Variants in MYLK observed in about 807,000 individuals in gnomAD.
MYLK encodes the protein myosin light chain kinase.
In MYLK, 106 loss-of-function variants were observed where a neutral mutation model predicts 203.4. The ratio of observed to expected loss-of-function variants is 0.52; its 90% CI spans 0.45 to 0.61. The LOEUF (loss-of-function observed/expected upper bound fraction) is 0.61, where lower values mean the gene tolerates loss of function less well. MYLK is among the 20% of genes least tolerant of loss of function. MYLK has a pLI of 0.00. For synonymous variants in MYLK, 867 were observed against 959.5 expected (o/e 0.90, Z 1.78); for missense variants, 2,072 against 2,442.3 (o/e 0.85, Z 3.20).
At chr3:123,761,631 C>A (rs2108930245) in intron 4 of MYLK, among the ~76,000 whole-genome samples, 1 of 152,274 alleles carries the variant, frequency 6.6e-6, no homozygotes, top group South Asian at 2.1e-4. Flanking sequence ...TCATGATTTG[C>A]ATAGAGAATC....
intron 2 of MYLK, among the ~76,000 whole-genome samples, chr3:123,870,524 C>T (rs59447046): frequency 2.3e-4 from 35 of 152,328 alleles, no homozygotes; most frequent in African/African-American, 8.4e-4. Flanking sequence ...AGCTGAGAAA[C>T]AAAGACAGGG....
At chr3:123,869,136 C>T (rs1293187814) in intron 2 of MYLK, among the ~76,000 whole-genome samples, 1 of 152,120 alleles carries the variant, frequency 6.6e-6, no homozygotes, top group African/African-American at 2.4e-5. Context: ...CCTTAACTCA[C>T]AGACTCTGCA....
At chr3:123,748,941 C>T (rs1039915766) in intron 5 of MYLK, among the ~76,000 whole-genome samples, 19 of 152,082 alleles carry the variant, frequency 1.2e-4, no homozygotes, top group Non-Finnish European at 1.2e-4. Context: ...TGATGGCACA[C>T]GCCTGTAATC....
rs74552339 is a variant in MYLK at position 123,790,438 on chromosome 3, G to A, written c.165+3239C>T. ...CTACCCAATGTATCTCCCACAAGGT[G>A]GAAAAGCCCTAAAGGCTGTGAGGGA... On this transcript the variant is annotated intron_variant, in intron 4 of 33. Transcript: ENST00000360304. Among the ~76,000 whole-genome samples the A allele has an allele frequency of 9.5e-4, 144 of 152,268 alleles. 2 individuals are homozygous for A. The East Asian group carries it at 0.027, about 29-fold the overall frequency.
chr3:123,745,519 G>T (rs948730372), intron 5 of MYLK, among the ~76,000 whole-genome samples: 1 of 152,182 alleles, frequency 6.6e-6, no homozygotes, highest in African/African-American at 2.4e-5. Flanking sequence ...CCTCTTTGAA[G>T]CACTCTTTCT....
intron 4 of MYLK, among the ~76,000 whole-genome samples, chr3:123,780,382 C>T (rs767746573): frequency 3.2e-4 from 48 of 152,016 alleles, no homozygotes; most frequent in Non-Finnish European, 6.5e-4. Flanking sequence ...TGCAGTGAGC[C>T]GAGATTGCGC....
chr3:123,689,409 C>T (rs769927406), intron 19 of MYLK, among the ~76,000 whole-genome samples: 5 of 152,094 alleles, frequency 3.3e-5, no homozygotes, highest in East Asian at 1.9e-4. Context: ...ACTCTGGGAG[C>T]GGGCCCCACC....
intron 2 of MYLK, among the ~76,000 whole-genome samples, chr3:123,860,991 A>T (rs765475395): frequency 6.6e-6 from 1 of 152,026 alleles, no homozygotes; most frequent in Non-Finnish European, 1.5e-5. Flanking sequence ...TTAGCCGGGC[A>T]TGGTGGCGGG....
chr3:123,719,058 A>G (rs1199190642), intron 13 of MYLK, among the ~76,000 whole-genome samples: 3 of 152,190 alleles, frequency 2.0e-5, no homozygotes, highest in African/African-American at 7.2e-5. Context: ...AGAGTCACTG[A>G]GGAGGGAAGG....
At chr3:123,764,099 A>G (rs182928795) in intron 4 of MYLK, among the ~76,000 whole-genome samples, 69 of 152,288 alleles carry the variant, frequency 4.5e-4, no homozygotes, top group African/African-American at 1.6e-3. Flanking sequence ...CAGTTTCTCA[A>G]AATTGTTTTG....
At chr3:123,883,892 G>A (rs2033692392) in intron 1 of MYLK, among the ~76,000 whole-genome samples, 1 of 152,042 alleles carries the variant, frequency 6.6e-6, no homozygotes, top group Non-Finnish European at 1.5e-5. Context: ...CGAGGGTCTG[G>A]GAGCTGGGAG....
rs138777049 is a variant in MYLK at position 123,707,891 on chromosome 3, G to A, written c.2253C>T (p.Thr751=). 666 of 1,614,220 alleles carry A rather than the reference G, an allele frequency of 4.1e-4. 4 individuals are homozygous for A. The highest frequency in any genetic ancestry group is 3.3e-3 in the Middle Eastern group (20 of 6,062). Residue 751 remains threonine, a synonymous_variant, in exon 16 of 34, where the codon ACC becomes ACT. Coordinates refer to ENST00000360304, the MANE Select transcript of MYLK (RefSeq NM_053025.4). Reference sequence around the variant, plus strand: ...CTTTGCCATCTCTGAGCCAGTGCACGGTAGGAAAGGGGTCACCAGCTATGG... The same window carrying A: ...CTTTGCCATCTCTGAGCCAGTGCACAGTAGGAAAGGGGTCACCAGCTATGG... The part of the protein sequence containing the change: ...SCAIAGDPFP[T]VHWLRDGKAL...
rs1488773233 is a variant in MYLK at position 123,629,735 on chromosome 3, A to G, written c.4962-109T>C. ...GGTCGGCCAGCCTCCCCACCCCCAA[A>G]CTCATGCTCTGTGGGCCTTGCACCT... On this transcript the variant is annotated intron_variant, in intron 29 of 33. Coordinates refer to ENST00000360304, the MANE Select transcript of MYLK (RefSeq NM_053025.4). This position sits in a 1 kb window ranked among gnomAD's most constrained non-coding sequence, Gnocchi z 4.4. 4 of 1,167,316 alleles carry G rather than the reference A, an allele frequency of 3.4e-6. No individual in the cohort carries two copies. The Admixed American group carries it at 7.3e-5, about 21-fold the overall frequency. 72.3% of individuals were successfully genotyped at this position (1,167,316 alleles called of 1,614,324 possible).
At chr3:123,725,856 T>C in intron 12 of MYLK, 88 bp downstream of exon 12, 1 of 1,543,998 alleles carries the variant, frequency 6.5e-7, no homozygotes, top group Non-Finnish European at 8.8e-7. Context: ...GTCCAAGGCA[T>C]AAATGGCTCA....
Position 123,846,785 on chromosome 3 carries a change from CT to C in MYLK, c.-126-15116del, listed in dbSNP as rs912666840. Among the ~76,000 whole-genome samples the C allele has an allele frequency of 9.4e-5, 14 of 149,160 alleles. No individual in the cohort carries two copies. The South Asian group carries it at 1.3e-3, about 14-fold the overall frequency. The stretch of plus-strand genomic sequence containing the variant: ...CCTTTTCTCCATTTATTAAGGATCT[CT>C]TTTTTTTTTCCTTTCAACAACTGTA... On this transcript the variant is annotated intron_variant, in intron 2 of 33. Coordinates refer to ENST00000360304, the MANE Select transcript of MYLK (RefSeq NM_053025.4).
At chr3:123,657,923 G>A (rs1016774397) in intron 23 of MYLK, among the ~76,000 whole-genome samples, 3 of 152,166 alleles carry the variant, frequency 2.0e-5, no homozygotes, top group Admixed American at 6.5e-5. Context: ...ACCAAGGGGT[G>A]GTATAGCACA....
chr3:123,760,048 G>A (rs2063485661), intron 4 of MYLK, among the ~76,000 whole-genome samples: 1 of 152,232 alleles, frequency 6.6e-6, no homozygotes, highest in African/African-American at 2.4e-5. Flanking sequence ...AGATCTATGT[G>A]TGGATGTGGG....
intron 26 of MYLK, among the ~76,000 whole-genome samples, chr3:123,647,868 A>G (rs1196472001): frequency 3.9e-5 from 6 of 152,110 alleles, no homozygotes; most frequent in Non-Finnish European, 5.9e-5. Flanking sequence ...GCACATTTCT[A>G]ATGTTGACAA....
intron 20 of MYLK, among the ~76,000 whole-genome samples, chr3:123,675,514 G>T (rs570662986): frequency 3.3e-3 from 510 of 152,368 alleles, no homozygotes; most frequent in Non-Finnish European, 5.2e-3. Flanking sequence ...TGCAGAGCCT[G>T]AAGGTGGGTC....
Sources: allele counts gnomAD v4.1 joint callset (sites outside exome capture counted in the v4.1 genomes callset), GRCh38; gene constraint gnomAD v4.1.1; non-coding constraint Gnocchi (gnomAD v3.1); transcripts MANE v1.5; gene names NCBI Gene and HGNC (gene_info 2026-07-23, HGNC 2026-07-21).